ZNF317: variants seen among roughly 807,000 people sequenced by gnomAD.
ZNF317 encodes the protein KRAB-containing zinc finger protein 317.
In ZNF317, 17 loss-of-function variants were observed where a neutral mutation model predicts 23.4. The ratio of observed to expected loss-of-function variants is 0.73; its 90% CI spans 0.50 to 1.09. The LOEUF (loss-of-function observed/expected upper bound fraction) is 1.09. Among genes scored for constraint, ZNF317 ranks in the 50% least tolerant of loss-of-function variants. ZNF317 has a pLI of 0.00. For synonymous variants in ZNF317, 317 were observed against 314.9 expected (o/e 1.01, Z -0.07); for missense variants, 679 against 796.7 (o/e 0.85, Z 1.78).
chr19:9,160,005 T>A lies in ZNF317; in HGVS notation c.469-109T>A. 1 of 1,495,820 alleles carries A rather than the reference T, an allele frequency of 6.7e-7. No individual in the cohort carries two copies. The highest frequency in any genetic ancestry group is 9.1e-7 in the Non-Finnish European group (1 of 1,098,716). 92.7% of individuals were successfully genotyped at this position (1,495,820 alleles called of 1,614,324 possible). A position where few individuals can be genotyped will look rare whatever the true frequency, so the allele number is the denominator to read the frequency against. ...GCACGGCAGATGGTTACAGCTCTAG[T>A]CATAGTAATGTGCTTCTATCTGTTC... On this transcript the variant is annotated intron_variant, in intron 6 of 6. Coordinates refer to ENST00000247956, the MANE Select transcript of ZNF317 (RefSeq NM_020933.5). The surrounding 1 kb of genome is among the most constrained non-coding windows in gnomAD (Gnocchi z 6.8).
chr19:9,161,421 A>G lies in ZNF317; in HGVS notation c.1776A>G (p.Lys592=), dbSNP rs753791368. 3 of 1,611,850 alleles carry G rather than the reference A, an allele frequency of 1.9e-6. No individual in the cohort carries two copies. The highest frequency in any genetic ancestry group is 2.5e-6 in the Non-Finnish European group (3 of 1,178,260). The stretch of plus-strand genomic sequence containing the variant: ...AGCTCTTTGTGTCATCCGTGTGGAA[A>G]AGGCTCCAGTGAGCGCGCCTGCTTT... The part of the protein sequence containing the change: ...GEKLFVSSVW[K]RLQ The change falls in exon 7 of 7, where the codon AAA becomes AAG. Residue 592 remains lysine, a synonymous_variant. Transcript: ENST00000247956. The surrounding 1 kb of genome is among the most constrained non-coding windows in gnomAD (Gnocchi z 4.0).
chr19:9,143,101 G>A (rs1027606494), intron 1 of ZNF317, among the ~76,000 whole-genome samples: 1 of 152,092 alleles, frequency 6.6e-6, no homozygotes, highest in African/African-American at 2.4e-5. Flanking sequence ...GGTTTTCTGT[G>A]TTGTTATGAT....
chr19:9,155,595 C>T (rs1428626592), intron 1 of ZNF317, among the ~76,000 whole-genome samples: 1 of 152,160 alleles, frequency 6.6e-6, no homozygotes, highest in Non-Finnish European at 1.5e-5. Context: ...TAGAGCCATC[C>T]TAAATGATCG....
intron 1 of ZNF317, among the ~76,000 whole-genome samples, chr19:9,149,458 C>T (rs917542355): frequency 4.6e-5 from 7 of 151,934 alleles, no homozygotes; most frequent in Admixed American, 3.9e-4. Context: ...GGTGACAGAG[C>T]GAGACTCCAT....
At chr19:9,155,668 T>C (rs1162562505) in intron 1 of ZNF317, among the ~76,000 whole-genome samples, 1 of 151,880 alleles carries the variant, frequency 6.6e-6, no homozygotes, top group Non-Finnish European at 1.5e-5. Context: ...AGTGAGGGGG[T>C]TTAACAGAGT....
intron 1 of ZNF317, among the ~76,000 whole-genome samples, chr19:9,148,286 G>A (rs2050705882): frequency 6.6e-6 from 1 of 152,230 alleles, no homozygotes; most frequent in African/African-American, 2.4e-5. Context: ...TCACTCAGGT[G>A]AGAACTTGGC....
At chr19:9,157,167 C>T in intron 3 of ZNF317, 101 bp from the exon 4 acceptor site, 1 of 1,458,888 alleles carries the variant, frequency 6.9e-7, no homozygotes, top group Non-Finnish European at 9.3e-7. Context: ...TCTGGAAATC[C>T]TGTGTTGGGT....
chr19:9,156,553 G>A (rs2050784905), intron 2 of ZNF317, 59 bp from the exon 3 acceptor site: 4 of 1,576,014 alleles, frequency 2.5e-6, no homozygotes, highest in Admixed American at 1.8e-5. Context: ...TGGTTTACAA[G>A]TGTTGTATTA....
In ZNF317 at chr19:9,160,471, A is replaced by C. The variant is rs759382324; in HGVS notation, c.826A>C (p.Lys276Gln). ...RSHARTHLKE[K>Q]PFDCSQCGNA... ...CCACGCAAGAACTCACCTCAAAGAG[A>C]AGCCCTTTGACTGCAGTCAGTGTGG... The change falls in exon 7 of 7, where the codon AAG becomes CAG. Residue 276 changes from lysine to glutamine, a missense_variant. Transcript: ENST00000247956. The surrounding 1 kb of genome is among the most constrained non-coding windows in gnomAD (Gnocchi z 6.8). The C allele has an allele frequency of 6.2e-7, 1 of 1,613,996 alleles. No individual in the cohort carries two copies. The highest frequency in any genetic ancestry group is 1.7e-5 in the Admixed American group (1 of 60,000).
intron 5 of ZNF317, 62 bp from the exon 6 acceptor site, chr19:9,158,764 T>C: frequency 3.7e-6 from 4 of 1,086,396 alleles, no homozygotes; most frequent in South Asian, 2.5e-5. Context: ...CCACCTGTCA[T>C]TGTCACCATC....
chr19:9,153,565 C>T (rs1258001262), intron 1 of ZNF317, among the ~76,000 whole-genome samples: 3 of 152,096 alleles, frequency 2.0e-5, no homozygotes, highest in Non-Finnish European at 4.4e-5. Context: ...GATGGGGATT[C>T]AGGTTAAATG....
chr19:9,159,273 A>C (rs190646142), intron 6 of ZNF317, among the ~76,000 whole-genome samples: 44 of 152,260 alleles, frequency 2.9e-4, no homozygotes, highest in Non-Finnish European at 5.0e-4. Context: ...AGTGGGCAAC[A>C]TCTTGGCTCA....
intron 1 of ZNF317, among the ~76,000 whole-genome samples, chr19:9,145,961 G>A (rs1042402096): frequency 9.2e-5 from 14 of 152,016 alleles, no homozygotes; most frequent in Non-Finnish European, 8.8e-5. Context: ...CGCTTATGCA[G>A]CAGACTATAT....
chr19:9,151,924 T>TTTTTTA (rs2050739100), intron 1 of ZNF317, among the ~76,000 whole-genome samples: 1 of 147,250 alleles, frequency 6.8e-6, no homozygotes, highest in African/African-American at 2.6e-5. Flanking sequence ...TTTTTTTTTT[T>TTTTTTA]GAGACGGAGT....
chr19:9,152,590 G>T (rs1258770991), intron 1 of ZNF317, among the ~76,000 whole-genome samples: 1 of 152,206 alleles, frequency 6.6e-6, no homozygotes, highest in Non-Finnish European at 1.5e-5. Context: ...AAAATCTAAT[G>T]CCTGATGATC....
At position 9,161,126 on chromosome 19, in the gene ZNF317, G is replaced by A. The variant is rs752194620; in HGVS notation, c.1481G>A (p.Ser494Asn). The A allele has an allele frequency of 2.5e-6, 4 of 1,614,102 alleles. No homozygotes were observed. Among genetic ancestry groups the A allele is most frequent in the Non-Finnish European group, 3.4e-6 (4 of 1,180,058 alleles). The change falls in exon 7 of 7, where the codon AGC (serine) becomes AAC (asparagine). Residue 494 changes from serine (S) to asparagine (N), a missense_variant. Transcript: ENST00000247956. The surrounding 1 kb of genome is among the most constrained non-coding windows in gnomAD (Gnocchi z 4.0). ...GDYLSRRRHM[S>N]VHLVKKRVEC... ...TATTTATCCCGGCGGAGGCACATGA[G>A]CGTTCACCTTGTAAAGAAACGAGTT...
At chr19:9,157,186 C>T (rs2050792781) in intron 3 of ZNF317, 82 bp from the exon 4 acceptor site, 1 of 1,551,804 alleles carries the variant, frequency 6.4e-7, no homozygotes, top group African/African-American at 1.4e-5. Flanking sequence ...GTCTCTCATG[C>T]CCGGTCTTCA....
At chr19:9,152,678 A>C (rs1402394934) in intron 1 of ZNF317, among the ~76,000 whole-genome samples, 1 of 152,220 alleles carries the variant, frequency 6.6e-6, no homozygotes, top group Non-Finnish European at 1.5e-5. Flanking sequence ...CTAATTCTAT[A>C]TTATGGTGAG....
At position 9,161,437 on chromosome 19, in the gene ZNF317, C is replaced by A; in HGVS notation, c.*4C>A. 1 of 1,605,912 alleles carries A rather than the reference C, an allele frequency of 6.2e-7. No homozygotes were observed. The highest frequency in any genetic ancestry group is 8.5e-7 in the Non-Finnish European group (1 of 1,174,792). On this transcript the variant is annotated 3_prime_UTR_variant, in exon 7 of 7. Transcript: ENST00000247956. The surrounding 1 kb of genome is among the most constrained non-coding windows in gnomAD (Gnocchi z 4.0). ...CGTGTGGAAAAGGCTCCAGTGAGCG[C>A]GCCTGCTTTAGAGACACAGGATGAT...
Sources: allele counts gnomAD v4.1 joint callset (sites outside exome capture counted in the v4.1 genomes callset), GRCh38; gene constraint gnomAD v4.1.1; non-coding constraint Gnocchi (gnomAD v3.1); transcripts MANE v1.5; gene names NCBI Gene and HGNC (gene_info 2026-07-23, HGNC 2026-07-21).